The following SLC38A1 variants were observed in gnomAD, a reference collection of about 807,000 sequenced individuals.
SLC38A1 encodes sodium-coupled neutral amino acid symporter 1.
A neutral mutation model predicts 60.3 loss-of-function variants in SLC38A1; 18 were observed. The observed-to-expected ratio is 0.30, with a 90% CI of 0.21 to 0.44. The LOEUF (loss-of-function observed/expected upper bound fraction) is 0.44, where lower values mean the gene tolerates loss of function less well. Ranked by LOEUF, SLC38A1 falls within the 20% of genes least tolerant of loss-of-function variation. The pLI, the probability that SLC38A1 is intolerant of heterozygous loss-of-function variation, is 1.00. For missense variants in SLC38A1, 448 were observed against 587.2 expected (o/e 0.76, Z 2.45); for synonymous variants, 196 against 212.1 (o/e 0.92, Z 0.66).
intron 16 of SLC38A1, chr12:46,195,915 G>A (rs1046017608): frequency 3.7e-5 from 15 of 406,856 alleles, no homozygotes; most frequent in African/African-American, 2.5e-4. Flanking sequence ...TCCTGGGTGA[G>A]GTGACGCCCC....
chr12:46,241,599 C>T (rs780910673), intron 2 of SLC38A1, among the ~76,000 whole-genome samples: 1 of 152,198 alleles, frequency 6.6e-6, no homozygotes, highest in South Asian at 2.1e-4. Context: ...GAGGCTGATT[C>T]CTCTAACCAC....
chr12:46,245,663 C>T (rs1042564684), intron 1 of SLC38A1, among the ~76,000 whole-genome samples: 14 of 152,112 alleles, frequency 9.2e-5, no homozygotes, highest in East Asian at 1.9e-4. Flanking sequence ...AAGACATGTG[C>T]GCTGAGCCTG....
intron 3 of SLC38A1, among the ~76,000 whole-genome samples, chr12:46,236,100 T>A (rs146162766): frequency 5.9e-5 from 9 of 152,336 alleles, no homozygotes; most frequent in Non-Finnish European, 8.8e-5. Context: ...CTGTGCCAAG[T>A]ACTTTACATG....
At chr12:46,202,904 A>G in intron 12 of SLC38A1, 106 bp downstream of exon 12, 1 of 718,262 alleles carries the variant, frequency 1.4e-6, no homozygotes, top group South Asian at 1.9e-5. Flanking sequence ...CTGGGTGATG[A>G]ATCCGCTGAC....
Position 46,187,929 on chromosome 12 carries a change from T to C in SLC38A1, c.*1041A>G, listed in dbSNP as rs898874189. Reference sequence around the variant, plus strand: ...AAGTCTTTTAAAGACTTCCCTAAAATACTCAATATAAAACAGGAGTTACTT... The same window carrying C: ...AAGTCTTTTAAAGACTTCCCTAAAACACTCAATATAAAACAGGAGTTACTT... On this transcript the variant is annotated 3_prime_UTR_variant, in exon 17 of 17. Transcript: ENST00000398637. The C allele has an allele frequency of 5.3e-5, 8 of 151,988 alleles. No individual in the cohort carries two copies. Among genetic ancestry groups the C allele is most frequent in the Admixed American group, 2.6e-4 (4 of 15,250 alleles). 9.4% of individuals were successfully genotyped at this position (151,988 alleles called of 1,614,324 possible).
rs186058586 is a variant in SLC38A1, at chr12:46,251,741, C to T, written c.-208-8427G>A. On this transcript the variant is annotated intron_variant, in intron 1 of 16. Transcript: ENST00000398637. ...CCAACAGACACATGGAAAAAATGCT[C>T]ATTATCACTGGTCATCAGAGAAATG... 2.8e-4 allele frequency among the ~76,000 whole-genome samples: 43 copies of T among 152,308 alleles called. 1 individual carries two copies. Among genetic ancestry groups the T allele is most frequent in the African/African-American group, 9.9e-4 (41 of 41,566 alleles).
In SLC38A1 at chr12:46,243,260, T is replaced by C. The variant is rs191959583; in HGVS notation, c.-154A>G. 3.3e-5 allele frequency: 5 copies of C among 151,732 alleles called. 1 individual carries two copies. The East Asian group carries it at 9.7e-4, about 29-fold the overall frequency. 9.4% of individuals were successfully genotyped at this position (151,732 alleles called of 1,614,324 possible). ...TATATTGTTGTATGGCCTTCCAGGG[T>C]TTTTCTATGCACATAGATATAGTGC... On this transcript the variant is annotated 5_prime_UTR_variant, in exon 2 of 17. Coordinates refer to ENST00000398637, the MANE Select transcript of SLC38A1 (RefSeq NM_030674.4).
At chr12:46,204,142 T>C (rs1939784660) in intron 11 of SLC38A1, among the ~76,000 whole-genome samples, 159 bp downstream of exon 11, 1 of 152,210 alleles carries the variant, frequency 6.6e-6, no homozygotes, top group South Asian at 2.1e-4. Context: ...TATTTGTATA[T>C]TTCTCAAGGA....
chr12:46,208,359 G>A (rs945690346), intron 6 of SLC38A1, among the ~76,000 whole-genome samples: 1 of 152,142 alleles, frequency 6.6e-6, no homozygotes, highest in Non-Finnish European at 1.5e-5. Context: ...TTCACGGAGA[G>A]CAATATGGGA....
chr12:46,218,541 A>G (rs1940516150), intron 5 of SLC38A1, among the ~76,000 whole-genome samples: 2 of 152,094 alleles, frequency 1.3e-5, no homozygotes, highest in Admixed American at 6.5e-5. Flanking sequence ...TCTCCTCCCC[A>G]CAGATGTCAG....
At chr12:46,217,985 C>T (rs2137540145) in intron 5 of SLC38A1, among the ~76,000 whole-genome samples, 1 of 152,170 alleles carries the variant, frequency 6.6e-6, no homozygotes, top group Admixed American at 6.5e-5. Flanking sequence ...TTGCTGATGG[C>T]CAATTCAAAT....
chr12:46,199,851 T>C (rs1939572555), intron 13 of SLC38A1, among the ~76,000 whole-genome samples: 1 of 152,338 alleles, frequency 6.6e-6, no homozygotes, highest in Non-Finnish European at 1.5e-5. Context: ...GGAATTCAAA[T>C]GCTAATCTGT....
rs376296550 is a variant in SLC38A1 at position 46,239,508 on chromosome 12, A to G, written c.122+171T>C. The G allele has an allele frequency of 1.7e-5, 10 of 573,516 alleles. No homozygotes were observed. In the East Asian group the frequency reaches 1.8e-4, roughly 10 times the overall value. The allele number at this position is 573,516 out of a possible 1,614,324, so 35.5% of individuals were successfully genotyped here. A position where few individuals can be genotyped will look rare whatever the true frequency, so the allele number is the denominator to read the frequency against. On this transcript the variant is annotated intron_variant, in intron 3 of 16. Transcript: ENST00000398637. ...CTGGCTAATTTTTTGTATTTTTAGT[A>G]GAGACGGGGTTTCACCATGTTGGTG...
At chr12:46,261,360 T>C (rs1017818360) in intron 1 of SLC38A1, among the ~76,000 whole-genome samples, 17 of 152,236 alleles carry the variant, frequency 1.1e-4, no homozygotes, top group African/African-American at 4.1e-4. Context: ...CACTGGCTTA[T>C]AGCAAGGGGG....
At chr12:46,231,483 T>C (rs1374870306) in intron 3 of SLC38A1, among the ~76,000 whole-genome samples, 1 of 152,214 alleles carries the variant, frequency 6.6e-6, no homozygotes, top group Non-Finnish European at 1.5e-5. Context: ...CTGCTGCATA[T>C]ATTAGTAAGA....
intron 2 of SLC38A1, among the ~76,000 whole-genome samples, chr12:46,242,366 G>A (rs908350546): frequency 9.2e-5 from 14 of 152,288 alleles, no homozygotes; most frequent in Admixed American, 7.2e-4. Flanking sequence ...TGAGCACTAA[G>A]TGATGAAGGG....
chr12:46,214,291 AG>A (rs1940307540), intron 5 of SLC38A1, among the ~76,000 whole-genome samples: 1 of 152,220 alleles, frequency 6.6e-6, no homozygotes, highest in African/African-American at 2.4e-5. Context: ...AAAATGAAAA[AG>A]ATTTGTCACA....
intron 13 of SLC38A1, 109 bp downstream of exon 13, chr12:46,200,989 G>A (rs1187982778): frequency 7.6e-6 from 6 of 785,962 alleles, no homozygotes; most frequent in Non-Finnish European, 1.0e-5. Context: ...AAAACCAATG[G>A]ATAGCTTTGT....
chr12:46,193,978 G>T (rs1035009171), intron 16 of SLC38A1, among the ~76,000 whole-genome samples: 1 of 152,178 alleles, frequency 6.6e-6, no homozygotes, highest in African/African-American at 2.4e-5. Flanking sequence ...CTGTCATTAT[G>T]ATGTTAGCTG....
Sources: gnomAD v4.1 joint callset for allele counts (sites outside exome capture counted in the v4.1 genomes callset) on GRCh38, gnomAD v4.1.1 for gene constraint, MANE v1.5 for transcripts, NCBI Gene and HGNC (gene_info 2026-07-23, HGNC 2026-07-21) for gene names.